Variants in PCDHGA12 observed in about 807,000 individuals in gnomAD.
The protein encoded by PCDHGA12 is protocadherin gamma-A12.
In PCDHGA12, 43 loss-of-function variants were observed where a neutral mutation model predicts 61.1. That is an observed-to-expected ratio of 0.70 (90% confidence interval 0.55 to 0.91). The LOEUF is 0.91. PCDHGA12 is among the 40% of genes least tolerant of loss of function. PCDHGA12 has a pLI of 0.00. For synonymous variants in PCDHGA12, 520 were observed against 542.9 expected (o/e 0.96, Z 0.59); for missense variants, 1,236 against 1,227.7 (o/e 1.01, Z -0.10).
At chr5:141,502,925 C>T (rs962871271) in intron 2 of PCDHGA12, among the ~76,000 whole-genome samples, 5 of 145,518 alleles carry the variant, frequency 3.4e-5, no homozygotes, top group Non-Finnish European at 5.9e-5. Flanking sequence ...GCAGTGGCAA[C>T]CTTCACCTCC....
At chr5:141,437,187 G>A (rs1055878763) in intron 1 of PCDHGA12, among the ~76,000 whole-genome samples, 1 of 152,148 alleles carries the variant, frequency 6.6e-6, no homozygotes, top group Non-Finnish European at 1.5e-5. Context: ...ACTGGGCAAT[G>A]GGTTTGGATG....
At chr5:141,482,356 G>T (rs1330274684) in intron 1 of PCDHGA12, among the ~76,000 whole-genome samples, 1 of 152,236 alleles carries the variant, frequency 6.6e-6, no homozygotes, top group East Asian at 1.9e-4. Flanking sequence ...TGTTGTGAGA[G>T]TGAAAAGTAA....
chr5:141,506,832 C>T (rs1398190563), intron 3 of PCDHGA12, among the ~76,000 whole-genome samples: 1 of 152,130 alleles, frequency 6.6e-6, no homozygotes, highest in African/African-American at 2.4e-5. Flanking sequence ...GAACTGATAG[C>T]CCTGCCCTCC....
intron 2 of PCDHGA12, among the ~76,000 whole-genome samples, chr5:141,498,601 G>A (rs2099784606): frequency 6.6e-6 from 1 of 152,126 alleles, no homozygotes; most frequent in African/African-American, 2.4e-5. Flanking sequence ...CTTGGTTCAA[G>A]TTCAAGTCAG....
At chr5:141,435,103 G>A (rs1468698388) in intron 1 of PCDHGA12, among the ~76,000 whole-genome samples, 2 of 151,914 alleles carry the variant, frequency 1.3e-5, no homozygotes, top group African/African-American at 2.4e-5. Flanking sequence ...TTTATCTAGG[G>A]GGGAGAAATC....
At chr5:141,492,068 G>A in intron 1 of PCDHGA12, 1 of 479,628 alleles carries the variant, frequency 2.1e-6, no homozygotes, top group Non-Finnish European at 3.7e-6. Flanking sequence ...AGCCTCCTAG[G>A]CGCCGGCTCC....
intron 1 of PCDHGA12, among the ~76,000 whole-genome samples, chr5:141,451,032 A>G: frequency 6.6e-6 from 1 of 150,486 alleles, no homozygotes; most frequent in Non-Finnish European, 1.5e-5. Context: ...GTTTCACCAT[A>G]TTGGCCAGGC....
At chr5:141,481,913 C>CAA (rs34114744) in intron 1 of PCDHGA12, among the ~76,000 whole-genome samples, 26 of 90,736 alleles carry the variant, frequency 2.9e-4, no homozygotes, top group Non-Finnish European at 3.5e-4. Context: ...AACTCCATCT[C>CAA]AAAAAAAAAA....
rs149649459 is a variant in PCDHGA12, at chr5:141,505,183, G to A, written c.2484-210G>A. ...TCTAAAACAAAAAGAAAAAAGCATC[G>A]GAGGCAGCAAAGAGCTGGTTTGAGG... On this transcript the variant is annotated intron_variant, in intron 2 of 3. Transcript: ENST00000252085. Among the ~76,000 whole-genome samples, 214 of 152,244 alleles carry A rather than the reference G, an allele frequency of 1.4e-3. 1 individual carries two copies. Among genetic ancestry groups the A allele is most frequent in the African/African-American group, 4.8e-3 (200 of 41,530 alleles).
intron 1 of PCDHGA12, among the ~76,000 whole-genome samples, chr5:141,435,840 T>G (rs1408413470): frequency 6.6e-6 from 1 of 152,118 alleles, no homozygotes; most frequent in Non-Finnish European, 1.5e-5. Context: ...CCTATCTACT[T>G]TGAAAGATAC....
chr5:141,463,466 T>G (rs1400160593), intron 1 of PCDHGA12, among the ~76,000 whole-genome samples: 2 of 142,982 alleles, frequency 1.4e-5, no homozygotes, highest in African/African-American at 5.2e-5. Context: ...TTTTTTTTTT[T>G]GAGATGGAGT....
chr5:141,431,032 C>T lies in PCDHGA12; in HGVS notation c.273C>T (p.Asp91=). 1 of 1,614,008 alleles carries T rather than the reference C, an allele frequency of 6.2e-7. No individual in the cohort carries two copies. The highest frequency in any genetic ancestry group is 2.2e-5 in the East Asian group (1 of 44,848). Residue 91 remains aspartate (D), a synonymous_variant, in exon 1 of 4, where the codon GAC becomes GAT. Transcript: ENST00000252085. This position sits in a 1 kb window ranked among gnomAD's most constrained non-coding sequence, Gnocchi z 4.8. ...SGSLVTAGRI[D]REELCMGAIK... is the part of the protein sequence containing the mutation. ...GCTTGGTCACGGCGGGCAGGATAGA[C>T]CGGGAGGAGCTCTGTATGGGGGCCA...
In PCDHGA12 at chr5:141,430,925, C is replaced by G. The variant is rs1313621122; in HGVS notation, c.166C>G (p.Pro56Ala). ...CATCTCCAGGGACCTGGGGCTGGAG[C>G]CCCGGGAGCTCGCGGAGCGCGGAGT... The part of the protein sequence containing the change: ...GDISRDLGLE[P>A]RELAERGVRI... Residue 56 changes from proline (P) to alanine (A), a missense_variant, in exon 1 of 4, where the codon CCC becomes GCC. Pro to Ala is a conservative substitution (Grantham distance 27, BLOSUM62 -1). Coordinates refer to ENST00000252085, the MANE Select transcript of PCDHGA12 (RefSeq NM_003735.3). The G allele has an allele frequency of 1.2e-6, 2 of 1,607,162 alleles. No individual in the cohort carries two copies. Among genetic ancestry groups the G allele is most frequent in the Non-Finnish European group, 8.5e-7 (1 of 1,177,274 alleles).
At chr5:141,450,055 G>A (rs1325291695) in intron 1 of PCDHGA12, among the ~76,000 whole-genome samples, 2 of 137,594 alleles carry the variant, frequency 1.5e-5, no homozygotes, top group Non-Finnish European at 3.0e-5. Flanking sequence ...CGCCCAGGCT[G>A]GAATGCAGTG....
intron 1 of PCDHGA12, among the ~76,000 whole-genome samples, chr5:141,464,049 G>C (rs1330340459): frequency 6.6e-6 from 1 of 152,124 alleles, no homozygotes; most frequent in Admixed American, 6.5e-5. Context: ...TGGATCACCT[G>C]AGGTCAGGAG....
At chr5:141,434,117 G>T (rs2097672674) in intron 1 of PCDHGA12, among the ~76,000 whole-genome samples, 1 of 152,126 alleles carries the variant, frequency 6.6e-6, no homozygotes, top group African/African-American at 2.4e-5. Context: ...TGGCCTTTGG[G>T]ACTCCCTTTA....
Position 141,478,516 on chromosome 5 carries a change from G to A in PCDHGA12, c.2425-16291G>A, listed in dbSNP as rs769702987. The A allele has an allele frequency of 4.3e-6, 7 of 1,610,992 alleles. No homozygotes were observed. In the African/African-American group the frequency reaches 8.0e-5, roughly 18 times the overall value. ...GTGATCCGGTGTTCTATAGGCAGGT[G>A]TTGGGTGCAGAGAGCGCCCCTCCCG... On this transcript the variant is annotated intron_variant, in intron 1 of 3. Transcript: ENST00000252085.
chr5:141,432,622 G>A lies in PCDHGA12; in HGVS notation c.1863G>A (p.Leu621=). 6.2e-7 allele frequency: 1 copy of A among 1,612,776 alleles called. No individual in the cohort carries two copies. The stretch of plus-strand genomic sequence containing the variant: ...AGCCGGGACTCTTCTCGGTGGGTCT[G>A]CACACGGGCGAGGTGCGCACGGCGC... The part of the protein sequence containing the change: ...ASEPGLFSVG[L]HTGEVRTARA... Residue 621 remains leucine, a synonymous_variant, in exon 1 of 4, where the codon CTG becomes CTA. Transcript: ENST00000252085. This position sits in a 1 kb window ranked among gnomAD's most constrained non-coding sequence, Gnocchi z 6.0.
At chr5:141,461,821 T>A (rs569091880) in intron 1 of PCDHGA12, among the ~76,000 whole-genome samples, 1 of 151,286 alleles carries the variant, frequency 6.6e-6, no homozygotes, top group South Asian at 2.1e-4. Context: ...ACCCAGCTAA[T>A]TTTTTTTTCT....
Sources: allele counts gnomAD v4.1 joint callset (sites outside exome capture counted in the v4.1 genomes callset), GRCh38; gene constraint gnomAD v4.1.1; non-coding constraint Gnocchi (gnomAD v3.1); transcripts MANE v1.5; gene names NCBI Gene and HGNC (gene_info 2026-07-23, HGNC 2026-07-21).